The following PTPRN2 variants were observed in gnomAD, a reference collection of about 807,000 sequenced individuals.
The protein encoded by PTPRN2 is receptor-type tyrosine-protein phosphatase N2.
In PTPRN2, 74 loss-of-function variants were observed where a neutral mutation model predicts 118.8. The observed-to-expected ratio is 0.62, with a 90% CI of 0.52 to 0.76. The LOEUF is 0.76. Ranked by LOEUF, PTPRN2 falls within the 30% of genes least tolerant of loss-of-function variation. The probability of loss-of-function intolerance (pLI) is 0.00; values close to 1 mark genes in which losing one functional copy is unlikely to be tolerated. For missense variants in PTPRN2, 1,481 were observed against 1,394.4 expected, an observed-to-expected ratio of 1.06 and a Z score of -0.99; for synonymous variants, 641 against 608.0, an observed-to-expected ratio of 1.05 and a Z score of -0.80.
rs752527922 is a variant in PTPRN2 at position 157,571,468 on chromosome 7, G to A, written c.2809C>T (p.Arg937Cys). Reference sequence around the variant, plus strand: ...CAATGAACAATTATTGGACAAGAACGGCCCCTGTAGCACTTGTTTACTTTT... The same window carrying A: ...CAATGAACAATTATTGGACAAGAACAGCCCCTGTAGCACTTGTTTACTTTT... Reference protein sequence around the residue: ...RRKVNKCYRGRSCPIIVHCSD... With the variant: ...RRKVNKCYRGCSCPIIVHCSD... The change falls in exon 20 of 23, where the codon CGT becomes TGT. Residue 937 changes from arginine (R) to cysteine (C), a missense_variant. Physicochemically the swap from Arg to Cys is radical, Grantham distance 180. Coordinates refer to ENST00000389418, the MANE Select transcript of PTPRN2 (RefSeq NM_002847.5). The A allele has an allele frequency of 1.1e-5, 17 of 1,610,254 alleles. No homozygotes were observed. Among genetic ancestry groups the A allele is most frequent in the East Asian group, 4.5e-5 (2 of 44,838 alleles).
At chr7:158,536,750 T>C (rs1392036670) in intron 1 of PTPRN2, among the ~76,000 whole-genome samples, 3 of 133,510 alleles carry the variant, frequency 2.2e-5, no homozygotes, top group Non-Finnish European at 3.2e-5. Context: ...GCCTTCCCAG[T>C]CCACCATCGA....
At chr7:158,458,501 C>T (rs1818704423) in intron 2 of PTPRN2, among the ~76,000 whole-genome samples, 1 of 152,118 alleles carries the variant, frequency 6.6e-6, no homozygotes, top group Non-Finnish European at 1.5e-5. Flanking sequence ...TTTTTAAAAG[C>T]TCTAATAGTC....
At chr7:158,024,986 G>A (rs1194997576) in intron 11 of PTPRN2, among the ~76,000 whole-genome samples, 6 of 152,194 alleles carry the variant, frequency 3.9e-5, no homozygotes, top group Non-Finnish European at 5.9e-5. Flanking sequence ...GTGGGCAGTG[G>A]GTGGTTTGTG....
chr7:157,790,439 G>T (rs1804415031), intron 12 of PTPRN2, among the ~76,000 whole-genome samples: 1 of 152,158 alleles, frequency 6.6e-6, no homozygotes, highest in Non-Finnish European at 1.5e-5. Flanking sequence ...GGGCGCTCCT[G>T]CAGGTATTAA....
intron 5 of PTPRN2, among the ~76,000 whole-genome samples, chr7:158,176,618 C>A (rs1021644122): frequency 6.6e-6 from 1 of 152,132 alleles, no homozygotes; most frequent in African/African-American, 2.4e-5. Flanking sequence ...CAGTGGAGGG[C>A]AGGGACAGGA....
At chr7:157,717,754 T>C (rs1463330616) in intron 12 of PTPRN2, among the ~76,000 whole-genome samples, 2 of 152,254 alleles carry the variant, frequency 1.3e-5, no homozygotes, top group African/African-American at 4.8e-5. Context: ...CATCCCGACC[T>C]GCGGGCCAGC....
chr7:158,470,246 G>C (rs1563331540), intron 2 of PTPRN2, among the ~76,000 whole-genome samples: 1 of 152,208 alleles, frequency 6.6e-6, no homozygotes, highest in African/African-American at 2.4e-5. Flanking sequence ...AAAAACTAAG[G>C]CCGACCAATA....
chr7:158,051,828 G>A (rs1022334262), intron 11 of PTPRN2, among the ~76,000 whole-genome samples: 1 of 152,174 alleles, frequency 6.6e-6, no homozygotes, highest in African/African-American at 2.4e-5. Flanking sequence ...TAAACAAGTA[G>A]GCCCGGCTGC....
At chr7:157,555,160 G>A (rs558471411) in intron 21 of PTPRN2, among the ~76,000 whole-genome samples, 4 of 152,220 alleles carry the variant, frequency 2.6e-5, no homozygotes, top group Non-Finnish European at 5.9e-5. Context: ...GTACCATCCC[G>A]TGCCAAGCTC....
rs542786836 is a variant in PTPRN2, at chr7:157,590,100, C to T, written c.2496+5138G>A. ...ATCCCAGAATGACCAGCAGAGAGGACGGTGGACATGTTTCTTCCTAAGATC... is the reference window on the plus strand; with the variant it reads ...ATCCCAGAATGACCAGCAGAGAGGATGGTGGACATGTTTCTTCCTAAGATC... On this transcript the variant is annotated intron_variant, in intron 17 of 22. Transcript: ENST00000389418. This position sits in a 1 kb window ranked among gnomAD's most constrained non-coding sequence, Gnocchi z 4.0. 2.6e-4 allele frequency among the ~76,000 whole-genome samples: 40 copies of T among 152,308 alleles called. No homozygotes were observed. The highest frequency in any genetic ancestry group is 8.7e-4 in the African/African-American group (36 of 41,556).
intron 12 of PTPRN2, among the ~76,000 whole-genome samples, chr7:157,759,057 T>C (rs1343643881): frequency 6.6e-6 from 1 of 152,246 alleles, no homozygotes; most frequent in Non-Finnish European, 1.5e-5. Context: ...AAAAGGCAAG[T>C]GACTCTATTA....
intron 14 of PTPRN2, among the ~76,000 whole-genome samples, chr7:157,648,579 A>T (rs369100897): frequency 9.6e-5 from 4 of 41,634 alleles, no homozygotes; most frequent in East Asian, 1.7e-3. Flanking sequence ...CCCATCCAGC[A>T]TGCACTGAAC....
chr7:157,636,925 ATAT>A (rs1804355590), intron 14 of PTPRN2, among the ~76,000 whole-genome samples: 3 of 152,236 alleles, frequency 2.0e-5, no homozygotes, highest in Non-Finnish European at 4.4e-5. Context: ...AAGAAAGTAA[ATAT>A]CTTCTAAGCC....
At chr7:157,916,304 G>GGGCCTGGTGGTTAT (rs1798390079) in intron 11 of PTPRN2, among the ~76,000 whole-genome samples, 1 of 152,214 alleles carries the variant, frequency 6.6e-6, no homozygotes, top group Non-Finnish European at 1.5e-5. Context: ...CTCCTGTGCA[G>GGGCCTGGTGGTTAT]GGCCTGGTGG....
intron 1 of PTPRN2, among the ~76,000 whole-genome samples, chr7:158,520,321 G>A (rs1456090766): frequency 6.6e-6 from 1 of 152,162 alleles, no homozygotes; most frequent in Non-Finnish European, 1.5e-5. Context: ...TTCCACTATT[G>A]TGAAATTCCC....
intron 12 of PTPRN2, among the ~76,000 whole-genome samples, chr7:157,758,775 C>T (rs1801963337): frequency 6.6e-6 from 1 of 152,176 alleles, no homozygotes; most frequent in Non-Finnish European, 1.5e-5. Flanking sequence ...ACCCCCCAAC[C>T]CTTGCTGCAC....
chr7:157,962,594 ATTGGTACCTACACAC>A (rs1421873248), intron 11 of PTPRN2, among the ~76,000 whole-genome samples: 1 of 152,158 alleles, frequency 6.6e-6, no homozygotes, highest in Non-Finnish European at 1.5e-5. Context: ...CAGGCCTTTT[ATTGGTACCTACACAC>A]CCGGGGTCAG....
intron 14 of PTPRN2, among the ~76,000 whole-genome samples, chr7:157,648,752 C>T (rs1271823942): frequency 2.0e-5 from 3 of 146,858 alleles, no homozygotes; most frequent in Non-Finnish European, 4.5e-5. Flanking sequence ...ATCCAGTGTG[C>T]ACTGAACTCG....
chr7:158,026,952 G>A (rs1298232470), intron 11 of PTPRN2, among the ~76,000 whole-genome samples: 1 of 152,194 alleles, frequency 6.6e-6, no homozygotes, highest in African/African-American at 2.4e-5. Context: ...GTATGCTGGT[G>A]ACAAACGGTT....
Sources: gnomAD v4.1 joint callset for allele counts (sites outside exome capture counted in the v4.1 genomes callset) on GRCh38, gnomAD v4.1.1 for gene constraint, Gnocchi (gnomAD v3.1) non-coding constraint, MANE v1.5 for transcripts, NCBI Gene and HGNC (gene_info 2026-07-23, HGNC 2026-07-21) for gene names.